The following MARK3 variants were observed in gnomAD, a reference collection of about 807,000 sequenced individuals.
MARK3 encodes microtubule affinity regulating kinase 3.
Under a neutral mutation model 90.1 loss-of-function variants are expected in MARK3, and 46 were observed. The observed-to-expected ratio is 0.51, with a 90% confidence interval of 0.40 to 0.65. The LOEUF is 0.65. Among genes scored for constraint, MARK3 ranks in the 30% least tolerant of loss-of-function variants. The pLI, the probability that MARK3 is intolerant of heterozygous loss-of-function variation, is 0.00. For synonymous variants in MARK3, 321 were observed against 332.6 expected (o/e 0.97, Z 0.38); for missense variants, 818 against 947.2 (o/e 0.86, Z 1.79).
intron 4 of MARK3, among the ~76,000 whole-genome samples, chr14:103,449,728 A>G (rs1203000341): frequency 6.6e-6 from 1 of 152,228 alleles, no homozygotes; most frequent in Non-Finnish European, 1.5e-5. Flanking sequence ...TACTGACCCA[A>G]GAAAAACTTT....
chr14:103,472,970 C>T (rs2093655277), intron 12 of MARK3, among the ~76,000 whole-genome samples: 1 of 151,072 alleles, frequency 6.6e-6, no homozygotes, highest in Non-Finnish European at 1.5e-5. Context: ...TGAGCCACTG[C>T]ACTCCACAGC....
At chr14:103,446,350 AC>A (rs2141268981) in intron 3 of MARK3, among the ~76,000 whole-genome samples, 1 of 152,020 alleles carries the variant, frequency 6.6e-6, no homozygotes, top group Admixed American at 6.5e-5. Context: ...ACGTGGCAAA[AC>A]CCCGTCTCTG....
chr14:103,385,909 C>T lies in MARK3; in HGVS notation c.-121C>T. ...CTAGACGGCCGTAGGGGGAAGGGAG[C>T]CGCCCTCCCCACGGCGCCTTTTCGG... On this transcript the variant is annotated 5_prime_UTR_variant, in exon 1 of 18. Transcript: ENST00000429436. The T allele has an allele frequency of 1.2e-5, 9 of 773,282 alleles. No homozygotes were observed. The highest frequency in any genetic ancestry group is 2.1e-5 in the Non-Finnish European group (9 of 438,106). 47.9% of individuals were successfully genotyped at this position (773,282 alleles called of 1,614,324 possible). A position where few individuals can be genotyped will look rare whatever the true frequency, so the allele number is the denominator to read the frequency against.
chr14:103,415,090 T>C (rs999802904), intron 2 of MARK3, among the ~76,000 whole-genome samples: 4 of 129,470 alleles, frequency 3.1e-5, no homozygotes, highest in African/African-American at 6.1e-5. Flanking sequence ...AGGCGGAGGT[T>C]GCAGTGAGCC....
In MARK3 at chr14:103,480,443, A is replaced by T; in HGVS notation, c.1539A>T (p.Arg513Ser). 1 of 1,613,682 alleles carries T rather than the reference A, an allele frequency of 6.2e-7. No individual in the cohort carries two copies. The highest frequency in any genetic ancestry group is 1.7e-5 in the Admixed American group (1 of 60,012). ...GAAATACTTATGTTTGCAGTGAGAG[A>T]ACTACAGCTGATAGACACTCAGTGA... is the stretch of plus-strand genomic sequence containing the variant. Reference protein sequence around the residue: ...TRRNTYVCSERTTADRHSVIQ... With the variant: ...TRRNTYVCSESTTADRHSVIQ... The change falls in exon 14 of 18, where the codon AGA becomes AGT. Residue 513 changes from arginine to serine, a missense_variant. By Grantham distance (110) the Arg-to-Ser change is moderately radical. Around this residue, in one of 3 missense-constraint regions of MARK3, gnomAD observed 560 missense variants for 613.5 expected, o/e 0.91. Coordinates refer to ENST00000429436, the MANE Select transcript of MARK3 (RefSeq NM_001128918.3).
At chr14:103,481,892 G>A (rs887617683) in intron 14 of MARK3, among the ~76,000 whole-genome samples, 3 of 144,082 alleles carry the variant, frequency 2.1e-5, no homozygotes, top group East Asian at 4.3e-4. Flanking sequence ...TCAGCCTCCC[G>A]AGTAGCTGGG....
chr14:103,410,251 T>C (rs556974948), intron 2 of MARK3, among the ~76,000 whole-genome samples: 1 of 152,112 alleles, frequency 6.6e-6, no homozygotes, highest in African/African-American at 2.4e-5. Flanking sequence ...TCTTGATACA[T>C]GAAGGGCGTG....
intron 2 of MARK3, among the ~76,000 whole-genome samples, chr14:103,427,734 G>T (rs62007683): frequency 0.26 from 39,174 of 151,996 alleles, 6,250 homozygotes; most frequent in Middle Eastern, 0.43. Context: ...AAACTGTCAT[G>T]GTGGTGGTGG....
chr14:103,451,928 C>A lies in MARK3; in HGVS notation c.357C>A (p.Phe119Leu), dbSNP rs370291346. ...ILNHPNIVKL[F>L]EVIETEKTLY... The stretch of plus-strand genomic sequence containing the variant: ...TCTCCTCTCCCGCAGTGAAGTTATT[C>A]GAAGTCATTGAAACTGAAAAAACAC... The change falls in exon 5 of 18, where the codon TTC becomes TTA. Residue 119 changes from phenylalanine (F) to leucine (L), a missense_variant. This residue lies in a region of MARK3 where 157 missense variants were observed against 158.7 expected (regional missense o/e 0.99). Coordinates refer to ENST00000429436, the MANE Select transcript of MARK3 (RefSeq NM_001128918.3). 1.9e-6 allele frequency: 3 copies of A among 1,611,004 alleles called. No homozygotes were observed. The highest frequency in any genetic ancestry group is 2.5e-6 in the Non-Finnish European group (3 of 1,178,226).
chr14:103,465,522 T>C, intron 7 of MARK3, 35 bp from the exon 8 acceptor site: 2 of 1,476,452 alleles, frequency 1.4e-6, no homozygotes, highest in South Asian at 1.1e-5. Context: ...CTATTTTGGC[T>C]AAATTTCATT....
At chr14:103,439,937 A>G (rs907712813) in intron 3 of MARK3, among the ~76,000 whole-genome samples, 1 of 151,478 alleles carries the variant, frequency 6.6e-6, no homozygotes, top group Non-Finnish European at 1.5e-5. Flanking sequence ...GGTGTGCACC[A>G]CCACACCCAG....
intron 2 of MARK3, among the ~76,000 whole-genome samples, chr14:103,414,841 TACTC>T (rs1030975909): frequency 3.9e-5 from 6 of 152,106 alleles, no homozygotes; most frequent in Admixed American, 1.3e-4. Context: ...ACATAAAAGA[TACTC>T]ACGAAGGCCG....
intron 7 of MARK3, among the ~76,000 whole-genome samples, chr14:103,464,339 C>A (rs891010769): frequency 8.0e-6 from 1 of 124,802 alleles, no homozygotes; most frequent in African/African-American, 3.1e-5. Context: ...CACTTTGTTG[C>A]CCTGGCTAGA....
intron 2 of MARK3, among the ~76,000 whole-genome samples, chr14:103,427,359 C>T (rs1393406224): frequency 3.3e-5 from 5 of 151,302 alleles, no homozygotes; most frequent in East Asian, 3.9e-4. Flanking sequence ...ATTAGCCAGT[C>T]GTGGTGGTGC....
chr14:103,399,576 G>A (rs1360437945), intron 1 of MARK3, among the ~76,000 whole-genome samples: 7 of 151,872 alleles, frequency 4.6e-5, no homozygotes, highest in Non-Finnish European at 8.8e-5. Context: ...GCGGGTACCT[G>A]TAGTCCCAGC....
chr14:103,492,181 A>G (rs1476504888), intron 15 of MARK3, 147 bp downstream of exon 15: 3 of 867,232 alleles, frequency 3.5e-6, no homozygotes, highest in East Asian at 2.7e-5. Context: ...ATCTAACTTT[A>G]TACTTTAAAA....
intron 3 of MARK3, among the ~76,000 whole-genome samples, chr14:103,435,644 A>G (rs1024190319): frequency 1.3e-5 from 2 of 151,798 alleles, no homozygotes; most frequent in Non-Finnish European, 2.9e-5. Flanking sequence ...TCCTGACCTC[A>G]TGATCTGCCC....
chr14:103,389,254 C>G (rs778466111), intron 1 of MARK3, among the ~76,000 whole-genome samples: 1 of 151,484 alleles, frequency 6.6e-6, no homozygotes, highest in Non-Finnish European at 1.5e-5. Context: ...GTCCTAGCTA[C>G]TCGGGAGGCT....
chr14:103,414,666 C>T (rs569909885), intron 2 of MARK3, among the ~76,000 whole-genome samples: 2 of 152,260 alleles, frequency 1.3e-5, no homozygotes, highest in East Asian at 3.9e-4. Context: ...TTAATTTGTT[C>T]TGAGTCAGTA....
Sources: gnomAD v4.1 joint callset for allele counts (sites outside exome capture counted in the v4.1 genomes callset) on GRCh38, gnomAD v4.1.1 for gene constraint, gnomAD v4.1.1 regional missense constraint, MANE v1.5 for transcripts, NCBI Gene and HGNC (gene_info 2026-07-23, HGNC 2026-07-21) for gene names.